FOCAD: variants seen among roughly 807,000 people sequenced by gnomAD.
FOCAD encodes KIAA1797.
Under a neutral mutation model 225.6 loss-of-function variants are expected in FOCAD, and 198 were observed. The ratio of observed to expected loss-of-function variants is 0.88; its 90% confidence interval spans 0.78 to 0.99. FOCAD has a LOEUF of 0.99. Among genes scored for constraint, FOCAD ranks in the 50% least tolerant of loss-of-function variants. The pLI, the probability that FOCAD is intolerant of heterozygous loss-of-function variation, is 0.00. For synonymous variants in FOCAD, 897 were observed against 755.0 expected (o/e 1.19, Z -3.08); for missense variants, 2,713 against 2,123.6 (o/e 1.28, Z -5.46).
intron 35 of FOCAD, among the ~76,000 whole-genome samples, chr9:20,955,536 T>A (rs1838058053): frequency 6.6e-6 from 1 of 151,598 alleles, no homozygotes; most frequent in Non-Finnish European, 1.5e-5. Context: ...TTTTTTTTTT[T>A]TGCTATACCA....
chr9:20,684,458 C>A (rs1051278994), intron 1 of FOCAD, 165 bp downstream of exon 1: 7 of 152,910 alleles, frequency 4.6e-5, no homozygotes, highest in Non-Finnish European at 1.0e-4. Context: ...GGCAGGGCCG[C>A]GTCGCGGCGA....
At chr9:20,908,388 A>G (rs1833160597) in intron 22 of FOCAD, among the ~76,000 whole-genome samples, 1 of 152,036 alleles carries the variant, frequency 6.6e-6, no homozygotes, top group African/African-American at 2.4e-5. Flanking sequence ...ACCTTTTTAC[A>G]ACCCATCTTA....
intron 6 of FOCAD, among the ~76,000 whole-genome samples, chr9:20,761,489 C>T (rs13291925): frequency 0.26 from 40,227 of 151,808 alleles, 5,803 homozygotes; most frequent in East Asian, 0.52. Flanking sequence ...GGTGCAATCT[C>T]GGCTCATTGC....
rs766708794 is a variant in FOCAD, at chr9:20,944,695, G to A, written c.3476G>A (p.Arg1159His). 1.5e-5 allele frequency: 25 copies of A among 1,613,936 alleles called. No individual in the cohort carries two copies. The highest frequency in any genetic ancestry group is 4.0e-5 in the African/African-American group (3 of 74,898). ...LMSHSSQMQS[R>H]VHVAALLRKL... ...AGCCACAGCAGCCAAATGCAGTCCC[G>A]CGTTCACGTAGCAGCATTGCTCCGG... The change falls in exon 29 of 44, where the codon CGC becomes CAC. Residue 1159 changes from arginine to histidine, a missense_variant. Transcript: ENST00000338382.
intron 1 of FOCAD, among the ~76,000 whole-genome samples, chr9:20,705,377 A>T (rs562572523): frequency 1.3e-5 from 2 of 152,294 alleles, no homozygotes; most frequent in East Asian, 3.9e-4. Flanking sequence ...ACTTTGTACC[A>T]TATTAATATC....
chr9:20,943,148 C>T (rs1836835637), intron 28 of FOCAD, among the ~76,000 whole-genome samples: 1 of 152,172 alleles, frequency 6.6e-6, no homozygotes, highest in Admixed American at 6.5e-5. Flanking sequence ...AGCCTTTCCT[C>T]TTCCGTAAAT....
chr9:20,876,261 C>T (rs1830213723), intron 19 of FOCAD, among the ~76,000 whole-genome samples: 1 of 152,282 alleles, frequency 6.6e-6, no homozygotes, highest in Admixed American at 6.5e-5. Flanking sequence ...GAGTCTAAGG[C>T]CTCCCTGAAG....
At chr9:20,865,043 C>T (rs1207513292) in intron 16 of FOCAD, among the ~76,000 whole-genome samples, 1 of 152,060 alleles carries the variant, frequency 6.6e-6, no homozygotes, top group East Asian at 1.9e-4. Flanking sequence ...CCAGGACTTT[C>T]TAGTTTCATA....
At chr9:20,974,992 T>C (rs1587760842) in intron 35 of FOCAD, among the ~76,000 whole-genome samples, 3 of 152,302 alleles carry the variant, frequency 2.0e-5, no homozygotes, top group South Asian at 2.1e-4. Context: ...TCCACGCTGA[T>C]TCCCCCTTTT....
At chr9:20,797,991 G>A (rs1204026469) in intron 11 of FOCAD, among the ~76,000 whole-genome samples, 1 of 152,126 alleles carries the variant, frequency 6.6e-6, no homozygotes, top group African/African-American at 2.4e-5. Flanking sequence ...GTTTGTCATA[G>A]ATAGCTCTTA....
chr9:20,990,459 A>C (rs1239139240), intron 42 of FOCAD, 85 bp downstream of exon 42: 3 of 1,488,458 alleles, frequency 2.0e-6, no homozygotes, highest in Non-Finnish European at 2.7e-6. Context: ...GTGGGAGTTA[A>C]GTGCGTCTTG....
At chr9:20,760,707 A>G (rs541632381) in intron 6 of FOCAD, among the ~76,000 whole-genome samples, 1 of 152,294 alleles carries the variant, frequency 6.6e-6, no homozygotes, top group East Asian at 1.9e-4. Context: ...TTGCGACATT[A>G]TCATAATTAC....
intron 1 of FOCAD, among the ~76,000 whole-genome samples, chr9:20,707,606 A>G (rs1408111745): frequency 6.6e-6 from 1 of 152,222 alleles, no homozygotes; most frequent in East Asian, 1.9e-4. Flanking sequence ...GAAAATCATA[A>G]AGAAGAGAAC....
intron 11 of FOCAD, 112 bp downstream of exon 11, chr9:20,789,720 T>C: frequency 7.3e-7 from 1 of 1,361,518 alleles, no homozygotes; most frequent in South Asian, 1.5e-5. Context: ...TATGGGTTGA[T>C]GATTTTTTTT....
chr9:20,726,920 G>A (rs1013549382), intron 4 of FOCAD, among the ~76,000 whole-genome samples: 5 of 152,124 alleles, frequency 3.3e-5, no homozygotes, highest in African/African-American at 1.2e-4. Flanking sequence ...GAAGAACCAA[G>A]GAAGGATGCC....
At chr9:20,775,639 A>T (rs896334214) in intron 8 of FOCAD, among the ~76,000 whole-genome samples, 1 of 152,056 alleles carries the variant, frequency 6.6e-6, no homozygotes, top group Non-Finnish European at 1.5e-5. Context: ...CTTTTCCATG[A>T]CTATACTGTA....
intron 2 of FOCAD, among the ~76,000 whole-genome samples, chr9:20,675,935 T>C (rs375880777): frequency 1.3e-5 from 2 of 152,210 alleles, no homozygotes; most frequent in East Asian, 3.8e-4. Context: ...CACTGAAGAA[T>C]TAGCCTCTAT....
At chr9:20,786,288 C>G (rs1219984087) in intron 10 of FOCAD, among the ~76,000 whole-genome samples, 1 of 152,116 alleles carries the variant, frequency 6.6e-6, no homozygotes, top group African/African-American at 2.4e-5. Context: ...TTTTTTTAGA[C>G]TTCTGATTGG....
intron 4 of FOCAD, among the ~76,000 whole-genome samples, chr9:20,729,100 G>A (rs543273768): frequency 4.6e-5 from 7 of 152,334 alleles, no homozygotes; most frequent in East Asian, 3.9e-4. Context: ...TCTGCCAAGT[G>A]TTAGTTTTCT....
Sources: allele counts gnomAD v4.1 joint callset (sites outside exome capture counted in the v4.1 genomes callset), GRCh38; gene constraint gnomAD v4.1.1; transcripts MANE v1.5; gene names NCBI Gene and HGNC (gene_info 2026-07-23, HGNC 2026-07-21).